ANK2: variants seen among roughly 807,000 people sequenced by gnomAD.
The protein encoded by ANK2 is ankyrin-2.
ANK2 carries 83 observed loss-of-function variants against 360.5 expected under a neutral mutation model. The observed-to-expected ratio is 0.23, with a 90% CI of 0.19 to 0.28. The LOEUF (loss-of-function observed/expected upper bound fraction) is 0.28, where lower values mean the gene tolerates loss of function less well. ANK2 is among the 10% of genes least tolerant of loss of function. ANK2 has a pLI of 1.00. For synonymous variants in ANK2, 1,740 were observed against 1,759.5 expected (o/e 0.99, Z 0.28); for missense variants, 4,201 against 4,795.7 (o/e 0.88, Z 3.66).
At chr4:112,948,377 G>A (rs1396958888) in intron 2 of ANK2, among the ~76,000 whole-genome samples, 4 of 151,994 alleles carry the variant, frequency 2.6e-5, no homozygotes, top group Admixed American at 1.3e-4. Context: ...TTAACTGTTT[G>A]GATTAAAGTT....
chr4:113,326,867 C>T (rs963769021), intron 26 of ANK2, among the ~76,000 whole-genome samples: 10 of 152,032 alleles, frequency 6.6e-5, no homozygotes, highest in African/African-American at 2.4e-4. Context: ...TAGCCAGGTG[C>T]AATGATGCTG....
chr4:113,270,669 T>C (rs749301749), intron 14 of ANK2, among the ~76,000 whole-genome samples: 10 of 152,172 alleles, frequency 6.6e-5, no homozygotes, highest in Non-Finnish European at 8.8e-5. Context: ...ACAAAAATAC[T>C]GTAGCCTTGT....
the ANK2 span, among the ~76,000 whole-genome samples, chr4:112,781,827 A>ATTTT: frequency 0.025 from 3,075 of 124,644 alleles, 159 homozygotes; most frequent in African/African-American, 0.084. Flanking sequence ...TGATAACAGT[A>ATTTT]TTTTTTTTTT....
chr4:112,930,500 C>T (rs2093088808), intron 2 of ANK2, among the ~76,000 whole-genome samples: 1 of 151,330 alleles, frequency 6.6e-6, no homozygotes, highest in Non-Finnish European at 1.5e-5. Context: ...GGAGTGCTAC[C>T]TCTACCCAGG....
chr4:112,731,084 G>A, the ANK2 span, among the ~76,000 whole-genome samples: 134 of 151,992 alleles, frequency 8.8e-4, 1 homozygote, highest in Non-Finnish European at 6.8e-4. Flanking sequence ...GGAGGTTGCA[G>A]TGGGCCGAGT....
intron 4 of ANK2, among the ~76,000 whole-genome samples, chr4:113,209,571 G>T (rs1333773009): frequency 6.6e-6 from 1 of 152,020 alleles, no homozygotes; most frequent in Non-Finnish European, 1.5e-5. Flanking sequence ...CGGGAGAAAG[G>T]AAGGTGTTTA....
intron 1 of ANK2, among the ~76,000 whole-genome samples, chr4:112,876,935 AATG>A (rs1318826916): frequency 1.3e-5 from 2 of 152,142 alleles, no homozygotes; most frequent in East Asian, 3.9e-4. Context: ...CTGTACTGAA[AATG>A]ACATGGAACT....
chr4:112,767,894 ATCTC>A, the ANK2 span, among the ~76,000 whole-genome samples: 3 of 152,154 alleles, frequency 2.0e-5, no homozygotes, highest in Non-Finnish European at 4.4e-5. Flanking sequence ...ACCTTTTCCC[ATCTC>A]TCTCATCCTC....
chr4:112,810,223 A>G, the ANK2 span, among the ~76,000 whole-genome samples: 3 of 139,554 alleles, frequency 2.1e-5, no homozygotes, highest in Non-Finnish European at 4.6e-5. Context: ...GCTGATCTCG[A>G]ACTCCTGACC....
rs748801701 is a variant in ANK2, at chr4:113,358,322, C to T, written c.9704C>T (p.Pro3235Leu). 1.9e-5 allele frequency: 30 copies of T among 1,613,310 alleles called. No individual in the cohort carries two copies. In the Middle Eastern group the frequency reaches 6.6e-4, roughly 35 times the overall value. Residue 3235 changes from proline to leucine, a missense_variant, in exon 38 of 46, where the codon CCT (proline) becomes CTT (leucine). By Grantham distance (98) the Pro-to-Leu change is moderately conservative. Around this residue, in one of 4 missense-constraint regions of ANK2, gnomAD observed 2,642 missense variants for 2,714.5 expected, o/e 0.97. Coordinates refer to ENST00000357077, the MANE Select transcript of ANK2 (RefSeq NM_001148.6). The part of the protein sequence containing the change: ...LPTVQTGDIP[P>L]LSGVKQISCP... ...ACCGTGCAAACGGGTGATATACCTC[C>T]TCTCTCTGGTGTAAAGCAGATATCC... is the stretch of plus-strand genomic sequence containing the variant.
intron 1 of ANK2, among the ~76,000 whole-genome samples, chr4:112,821,065 C>T (rs977430509): frequency 5.3e-5 from 8 of 152,132 alleles, no homozygotes; most frequent in Non-Finnish European, 1.2e-4. Flanking sequence ...GCATGCGCTA[C>T]CATGCCTGGC....
At chr4:112,932,910 G>A (rs1581410961) in intron 2 of ANK2, among the ~76,000 whole-genome samples, 1 of 152,008 alleles carries the variant, frequency 6.6e-6, no homozygotes, top group Non-Finnish European at 1.5e-5. Flanking sequence ...TTTCTTCTTT[G>A]CCTCTGTTAT....
the ANK2 span, among the ~76,000 whole-genome samples, chr4:112,749,396 T>C: frequency 6.6e-6 from 1 of 152,216 alleles, no homozygotes; most frequent in Non-Finnish European, 1.5e-5. Flanking sequence ...AATGACTTTG[T>C]ACTCAGGCAT....
At chr4:112,735,503 C>G in the ANK2 span, among the ~76,000 whole-genome samples, 1 of 152,096 alleles carries the variant, frequency 6.6e-6, no homozygotes, top group Admixed American at 6.6e-5. Flanking sequence ...CTTCATCTTC[C>G]TGTCTCTACC....
Position 112,957,815 on chromosome 4 carries a change from G to A in ANK2, c.21+53301G>A, listed in dbSNP as rs867123127. ...TTCTCAGACGGGGCGGCTGCCGGGCGGAGGGGCTCCTCACTTCTCAGACGG... is the reference window on the plus strand; with the variant it reads ...TTCTCAGACGGGGCGGCTGCCGGGCAGAGGGGCTCCTCACTTCTCAGACGG... On this transcript the variant is annotated intron_variant, in intron 2 of 30. Transcript: ENST00000503271. Among the ~76,000 whole-genome samples the A allele has an allele frequency of 5.2e-3, 747 of 144,844 alleles. 5 individuals are homozygous for A. The highest frequency in any genetic ancestry group is 0.018 in the African/African-American group (703 of 38,142).
intron 1 of ANK2, among the ~76,000 whole-genome samples, chr4:112,824,662 CCTGG>C (rs1429048732): frequency 1.3e-5 from 2 of 152,018 alleles, no homozygotes; most frequent in African/African-American, 4.8e-5. Flanking sequence ...CGCCACCACA[CCTGG>C]CTAATTTTTG....
intron 31 of ANK2, among the ~76,000 whole-genome samples, chr4:113,337,588 T>A (rs1353516270): frequency 2.6e-5 from 4 of 152,240 alleles, no homozygotes; most frequent in Admixed American, 2.6e-4. Context: ...CTGGATGTTT[T>A]TGTATTGTTA....
chr4:113,100,279 A>G (rs1220190896), intron 1 of ANK2, among the ~76,000 whole-genome samples: 1 of 152,128 alleles, frequency 6.6e-6, no homozygotes, highest in African/African-American at 2.4e-5. Flanking sequence ...CTCAACAACA[A>G]GAAAACAAGC....
At chr4:113,324,822 T>A (rs1017315738) in intron 26 of ANK2, among the ~76,000 whole-genome samples, 2 of 152,186 alleles carry the variant, frequency 1.3e-5, no homozygotes, top group Non-Finnish European at 2.9e-5. Flanking sequence ...TTCTTTCAAC[T>A]AACTCTGAAT....
Sources: gnomAD v4.1 joint callset for allele counts (sites outside exome capture counted in the v4.1 genomes callset) on GRCh38, gnomAD v4.1.1 for gene constraint, gnomAD v4.1.1 regional missense constraint, MANE v1.5 for transcripts, NCBI Gene and HGNC (gene_info 2026-07-23, HGNC 2026-07-21) for gene names.